RORB: variants seen among roughly 807,000 people sequenced by gnomAD.
RORB encodes the protein nuclear receptor ROR-beta.
A neutral mutation model predicts 59.1 loss-of-function variants in RORB; 6 were observed. That is an observed-to-expected ratio of 0.10 (90% confidence interval 0.06 to 0.20). RORB has a LOEUF of 0.20. Among genes scored for constraint, RORB ranks in the 10% least tolerant of loss-of-function variants. RORB has a pLI of 1.00. For synonymous variants in RORB, 215 were observed against 204.5 expected, an observed-to-expected ratio of 1.05 and a Z score of -0.44; for missense variants, 320 against 560.5, an observed-to-expected ratio of 0.57 and a Z score of 4.33.
intron 1 of RORB, among the ~76,000 whole-genome samples, chr9:74,589,604 T>C (rs1475843867): frequency 6.6e-6 from 1 of 152,208 alleles, no homozygotes; most frequent in East Asian, 1.9e-4. Flanking sequence ...TAAGACTCAA[T>C]AAATATTAGT....
chr9:74,563,218 C>T (rs967924231), intron 1 of RORB, among the ~76,000 whole-genome samples: 8 of 146,024 alleles, frequency 5.5e-5, no homozygotes, highest in Non-Finnish European at 1.2e-4. Flanking sequence ...TGGAGTCTCG[C>T]TCTGTCGCCC....
chr9:74,633,449 T>C (rs914128267), intron 2 of RORB, among the ~76,000 whole-genome samples: 3 of 152,186 alleles, frequency 2.0e-5, no homozygotes, highest in Non-Finnish European at 4.4e-5. Context: ...CAAAAGATGA[T>C]GCTATGGGAT....
chr9:74,629,495 A>G (rs1823579429), intron 1 of RORB, among the ~76,000 whole-genome samples: 1 of 151,750 alleles, frequency 6.6e-6, no homozygotes, highest in Non-Finnish European at 1.5e-5. Context: ...ATCTTTTTTC[A>G]TTTCCCTTCT....
At chr9:74,525,773 G>T (rs942351879) in intron 1 of RORB, among the ~76,000 whole-genome samples, 1 of 151,816 alleles carries the variant, frequency 6.6e-6, no homozygotes, top group Non-Finnish European at 1.5e-5. Context: ...ACAGAACCTC[G>T]ATGAAATTCA....
rs550411020 is a variant in RORB at position 74,529,107 on chromosome 9, T to C, written c.7+31124T>C. On this transcript the variant is annotated intron_variant, in intron 1 of 9. Coordinates refer to ENST00000376896, the MANE Select transcript of RORB (RefSeq NM_006914.4). ...AAATATTATTGCAAGGACCAAATATTTCATAATTAAGAAAAATTTCTCCTG... is the reference window on the plus strand; with the variant it reads ...AAATATTATTGCAAGGACCAAATATCTCATAATTAAGAAAAATTTCTCCTG... 3.9e-4 allele frequency among the ~76,000 whole-genome samples: 60 copies of C among 152,078 alleles called. No individual in the cohort carries two copies. In the South Asian group the frequency reaches 0.012, roughly 31 times the overall value.
rs559378137 is a variant in RORB, at chr9:74,541,215, G to A, written c.7+43232G>A. Among the ~76,000 whole-genome samples, 169 of 143,364 alleles carry A rather than the reference G, an allele frequency of 1.2e-3. 1 individual carries two copies. Among genetic ancestry groups the A allele is most frequent in the African/African-American group, 4.2e-3 (162 of 38,128 alleles). The allele number at this position is 143,364 out of a possible 152,430, so 94.1% of individuals were successfully genotyped here. A position where few individuals can be genotyped will look rare whatever the true frequency, so the allele number is the denominator to read the frequency against. The stretch of plus-strand genomic sequence containing the variant: ...AAATCACTTGAACCTTGGAGGTGGA[G>A]GTTGCAGTGAGCCAAGATCGCGCCA... On this transcript the variant is annotated intron_variant, in intron 1 of 9. Coordinates refer to ENST00000376896, the MANE Select transcript of RORB (RefSeq NM_006914.4).
intron 1 of RORB, among the ~76,000 whole-genome samples, chr9:74,502,826 T>C (rs922420637): frequency 3.9e-5 from 6 of 152,006 alleles, no homozygotes; most frequent in African/African-American, 1.4e-4. Flanking sequence ...TTGAAACACA[T>C]CAAAGGTTCA....
chr9:74,639,356 A>G (rs191598845), intron 3 of RORB, among the ~76,000 whole-genome samples: 10 of 152,350 alleles, frequency 6.6e-5, no homozygotes, highest in Non-Finnish European at 1.0e-4. Flanking sequence ...GCCTGCAAAG[A>G]ATGAAAGAGC....
intron 1 of RORB, among the ~76,000 whole-genome samples, chr9:74,516,858 CACA>C (rs1826018186): frequency 6.6e-6 from 1 of 151,942 alleles, no homozygotes; most frequent in South Asian, 2.1e-4. Flanking sequence ...AATTTATAGA[CACA>C]ACATTTACCA....
intron 1 of RORB, among the ~76,000 whole-genome samples, chr9:74,572,718 G>A (rs1181962907): frequency 6.6e-6 from 1 of 152,106 alleles, no homozygotes; most frequent in African/African-American, 2.4e-5. Flanking sequence ...GGATTAATTA[G>A]CTAAATTCAG....
chr9:74,528,651 G>A (rs1219453587), intron 1 of RORB, among the ~76,000 whole-genome samples: 1 of 152,022 alleles, frequency 6.6e-6, no homozygotes, highest in Non-Finnish European at 1.5e-5. Flanking sequence ...TCTTCTGAAT[G>A]TAACATCTTC....
intron 1 of RORB, among the ~76,000 whole-genome samples, chr9:74,578,762 G>A (rs1563942723): frequency 6.6e-6 from 1 of 152,204 alleles, no homozygotes; most frequent in Middle Eastern, 3.4e-3. Flanking sequence ...CTTCGGCACT[G>A]TTTCTATATG....
chr9:74,525,658 G>A (rs1425326912), intron 1 of RORB, among the ~76,000 whole-genome samples: 1 of 151,894 alleles, frequency 6.6e-6, no homozygotes, highest in African/African-American at 2.4e-5. Flanking sequence ...CCGGATTTAA[G>A]TTCAGATGTT....
At chr9:74,584,808 G>T (rs947563427) in intron 1 of RORB, among the ~76,000 whole-genome samples, 2 of 152,226 alleles carry the variant, frequency 1.3e-5, no homozygotes, top group Admixed American at 6.5e-5. Context: ...AAAAAGGGAG[G>T]CAGGAGCCAC....
chr9:74,648,729 C>A (rs546798711), intron 4 of RORB, among the ~76,000 whole-genome samples: 14 of 152,206 alleles, frequency 9.2e-5, no homozygotes, highest in African/African-American at 3.4e-4. Flanking sequence ...CAAAACAAAA[C>A]AATAAAAACA....
intron 1 of RORB, among the ~76,000 whole-genome samples, chr9:74,620,184 G>T (rs1011046252): frequency 2.0e-5 from 3 of 152,038 alleles, no homozygotes; most frequent in African/African-American, 7.2e-5. Context: ...GACTTTTTTT[G>T]GTTGGGAGGC....
chr9:74,549,574 A>G (rs1826565417), intron 1 of RORB, among the ~76,000 whole-genome samples: 1 of 75,490 alleles, frequency 1.3e-5, no homozygotes, highest in Admixed American at 1.2e-4. Context: ...GGAAGGAAGG[A>G]AGGAAGGAAG....
At chr9:74,662,403 A>C (rs1195887446) in intron 5 of RORB, 71 bp from the exon 6 acceptor site, 5 of 1,521,352 alleles carry the variant, frequency 3.3e-6, no homozygotes, top group Non-Finnish European at 4.5e-6. Flanking sequence ...CCAGTAAGGC[A>C]AACCTGAGTG....
chr9:74,629,950 C>T (rs759718987), intron 1 of RORB, among the ~76,000 whole-genome samples: 10 of 152,058 alleles, frequency 6.6e-5, no homozygotes, highest in Non-Finnish European at 1.0e-4. Flanking sequence ...AAAGAAAAGC[C>T]GTGGGTTCAA....
Sources: allele counts gnomAD v4.1 joint callset (sites outside exome capture counted in the v4.1 genomes callset), GRCh38; gene constraint gnomAD v4.1.1; transcripts MANE v1.5; gene names NCBI Gene and HGNC (gene_info 2026-07-23, HGNC 2026-07-21).